The following MGMT variants were observed in gnomAD, a reference collection of about 807,000 sequenced individuals.
MGMT encodes methylated-DNA--protein-cysteine methyltransferase.
MGMT carries 14 observed loss-of-function variants against 15.9 expected under a neutral mutation model. The ratio of observed to expected loss-of-function variants is 0.88; its 90% CI spans 0.58 to 1.37. MGMT has a LOEUF of 1.37. MGMT is among the 40% of genes most tolerant of loss of function. The probability of loss-of-function intolerance (pLI) is 0.00; values close to 1 mark genes in which losing one functional copy is unlikely to be tolerated. For synonymous variants in MGMT, 130 were observed against 118.2 expected, an observed-to-expected ratio of 1.10 and a Z score of -0.65; for missense variants, 282 against 268.1, an observed-to-expected ratio of 1.05 and a Z score of -0.36.
chr10:129,690,873 T>A (rs1416332204), intron 2 of MGMT, among the ~76,000 whole-genome samples: 3 of 152,126 alleles, frequency 2.0e-5, no homozygotes, highest in African/African-American at 7.2e-5. Flanking sequence ...TGGATCTGAT[T>A]CTGAGTATGT....
chr10:129,570,727 A>T (rs185483073), intron 2 of MGMT, among the ~76,000 whole-genome samples: 1 of 152,290 alleles, frequency 6.6e-6, no homozygotes, highest in East Asian at 1.9e-4. Flanking sequence ...TCGATTCTTG[A>T]CCTGCGAGTA....
chr10:129,473,854 C>T (rs1845259811), intron 1 of MGMT, among the ~76,000 whole-genome samples: 1 of 152,156 alleles, frequency 6.6e-6, no homozygotes, highest in Non-Finnish European at 1.5e-5. Flanking sequence ...CTACCCCGCA[C>T]CCCACTAGAG....
rs553508293 is a variant in MGMT, at chr10:129,557,623, A to C, written c.125+21246A>C. 4.0e-4 allele frequency among the ~76,000 whole-genome samples: 61 copies of C among 152,284 alleles called. No homozygotes were observed. The South Asian group carries it at 0.012, about 31-fold the overall frequency. ...ATAATGCAGAAATCTCTGGATTTTTATGTCGGTGTTTATAAAGCATTTTAA... is the reference window on the plus strand; with the variant it reads ...ATAATGCAGAAATCTCTGGATTTTTCTGTCGGTGTTTATAAAGCATTTTAA... On this transcript the variant is annotated intron_variant, in intron 2 of 4. Transcript: ENST00000651593.
chr10:129,505,934 C>A (rs929722555), intron 1 of MGMT, among the ~76,000 whole-genome samples: 2 of 149,540 alleles, frequency 1.3e-5, no homozygotes, highest in East Asian at 3.9e-4. Flanking sequence ...CTGAGCACAC[C>A]AACAGGCTTT....
chr10:129,627,054 C>T (rs910379954), intron 2 of MGMT, among the ~76,000 whole-genome samples: 1 of 152,156 alleles, frequency 6.6e-6, no homozygotes, highest in South Asian at 2.1e-4. Context: ...GAAGGCTTCA[C>T]GCAAGTGGGC....
At chr10:129,667,616 C>T (rs753182084) in intron 2 of MGMT, among the ~76,000 whole-genome samples, 35 of 152,152 alleles carry the variant, frequency 2.3e-4, no homozygotes, top group Non-Finnish European at 4.3e-4. Flanking sequence ...CACACAGGCA[C>T]GCATTTCTGC....
At chr10:129,673,929 G>A (rs1439809471) in intron 2 of MGMT, among the ~76,000 whole-genome samples, 2 of 152,024 alleles carry the variant, frequency 1.3e-5, no homozygotes, top group Non-Finnish European at 2.9e-5. Flanking sequence ...TTAAAGTATT[G>A]ATTTGAAGCA....
intron 2 of MGMT, among the ~76,000 whole-genome samples, chr10:129,569,555 A>G (rs1846393975): frequency 6.6e-6 from 1 of 152,058 alleles, no homozygotes; most frequent in South Asian, 2.1e-4. Flanking sequence ...ATTACAAGGG[A>G]CCTCAACCTC....
chr10:129,755,419 C>T (rs1232781574), intron 3 of MGMT, among the ~76,000 whole-genome samples: 4 of 152,234 alleles, frequency 2.6e-5, no homozygotes, highest in African/African-American at 7.2e-5. Context: ...GCCATGGCCA[C>T]AGCACAGCTA....
intron 3 of MGMT, among the ~76,000 whole-genome samples, chr10:129,751,005 A>ACT (rs1260381296): frequency 9.9e-5 from 15 of 152,174 alleles, no homozygotes; most frequent in African/African-American, 3.4e-4. Flanking sequence ...GAGATACTGA[A>ACT]CTGTACTCTT....
chr10:129,513,643 A>G (rs1363971418), intron 1 of MGMT, among the ~76,000 whole-genome samples: 2 of 152,180 alleles, frequency 1.3e-5, no homozygotes, highest in Admixed American at 6.5e-5. Flanking sequence ...TTGACACTTT[A>G]TCCTGGCCTT....
intron 1 of MGMT, among the ~76,000 whole-genome samples, chr10:129,487,403 TACA>T (rs896244416): frequency 1.3e-5 from 2 of 152,190 alleles, no homozygotes; most frequent in African/African-American, 4.8e-5. Context: ...AGTTTTGGAT[TACA>T]TGTAAGTTTT....
chr10:129,666,680 G>A (rs1347353446), intron 2 of MGMT, among the ~76,000 whole-genome samples: 1 of 151,978 alleles, frequency 6.6e-6, no homozygotes, highest in East Asian at 1.9e-4. Context: ...ATAATACCTG[G>A]AAATAATGAT....
chr10:129,740,196 G>A (rs1848615031), intron 3 of MGMT, among the ~76,000 whole-genome samples: 1 of 152,210 alleles, frequency 6.6e-6, no homozygotes, highest in Non-Finnish European at 1.5e-5. Flanking sequence ...TGCATCAGGT[G>A]CTCCAAGTGG....
intron 2 of MGMT, among the ~76,000 whole-genome samples, chr10:129,661,369 CT>C (rs1409738672): frequency 1.3e-5 from 2 of 152,142 alleles, no homozygotes; most frequent in African/African-American, 4.8e-5. Context: ...CCAGACCCCC[CT>C]CATAAGGCTG....
At chr10:129,554,195 TGA>T (rs963547445) in intron 2 of MGMT, among the ~76,000 whole-genome samples, 13 of 152,326 alleles carry the variant, frequency 8.5e-5, no homozygotes, top group African/African-American at 3.1e-4. Flanking sequence ...ACTGCAGCCG[TGA>T]GCAGCACGCA....
At chr10:129,480,368 G>A (rs1845344136) in intron 1 of MGMT, among the ~76,000 whole-genome samples, 1 of 152,222 alleles carries the variant, frequency 6.6e-6, no homozygotes, top group African/African-American at 2.4e-5. Context: ...AAATCCACAG[G>A]TATGCCTTGC....
At chr10:129,676,863 C>G (rs1158784244) in intron 2 of MGMT, among the ~76,000 whole-genome samples, 1 of 152,048 alleles carries the variant, frequency 6.6e-6, no homozygotes. Context: ...AGCAGTAAAT[C>G]ACAGATACTG....
At chr10:129,542,453 A>G (rs997704787) in intron 2 of MGMT, among the ~76,000 whole-genome samples, 2 of 152,148 alleles carry the variant, frequency 1.3e-5, no homozygotes, top group African/African-American at 4.8e-5. Flanking sequence ...CGTTACTATA[A>G]TTGATCTTTC....
Sources: gnomAD v4.1 joint callset for allele counts (sites outside exome capture counted in the v4.1 genomes callset) on GRCh38, gnomAD v4.1.1 for gene constraint, MANE v1.5 for transcripts, NCBI Gene and HGNC (gene_info 2026-07-23, HGNC 2026-07-21) for gene names.